The following CUL1 variants were observed in gnomAD, a reference collection of about 807,000 sequenced individuals.
CUL1 encodes the protein cullin-1.
Under a neutral mutation model 118.0 loss-of-function variants are expected in CUL1, and 24 were observed. That is an observed-to-expected ratio of 0.20 (90% confidence interval 0.15 to 0.29). The LOEUF (loss-of-function observed/expected upper bound fraction) is 0.29, where lower values mean the gene tolerates loss of function less well. CUL1 is among the 10% of genes least tolerant of loss of function. The pLI is 1.00. For synonymous variants in CUL1, 332 were observed against 340.4 expected (o/e 0.98, Z 0.27); for missense variants, 361 against 933.8 (o/e 0.39, Z 7.99).
chr7:148,787,679 G>C lies in CUL1; in HGVS notation c.1479+559G>C, dbSNP rs551227892. On this transcript the variant is annotated intron_variant, in intron 13 of 21. Coordinates refer to ENST00000325222, the MANE Select transcript of CUL1 (RefSeq NM_003592.3). The surrounding 1 kb of genome is among the most constrained non-coding windows in gnomAD (Gnocchi z 5.5). ...CCTGGCTGGGCTCAGCTCACCATCT[G>C]TGGGGCCTCTCCTGCCTCCCACACC... 6.6e-6 allele frequency among the ~76,000 whole-genome samples: 1 copy of C among 152,194 alleles called. No homozygotes were observed. Among genetic ancestry groups the C allele is most frequent in the South Asian group, 2.1e-4 (1 of 4,818 alleles).
intron 2 of CUL1, 137 bp downstream of exon 2, chr7:148,730,399 C>T (rs945816643): frequency 3.0e-5 from 33 of 1,099,828 alleles, no homozygotes; most frequent in Non-Finnish European, 4.1e-5. Context: ...CATTTTTAGC[C>T]TTAAGTTTTT....
rs185826541 is a variant in CUL1 at position 148,739,951 on chromosome 7, C to T, written c.140+9689C>T. Reference sequence around the variant, plus strand: ...TCCCCTGTGTGGATATCCAATTATTCCAGTGTCATTTGTTGAAAAAAACTT... The same window carrying T: ...TCCCCTGTGTGGATATCCAATTATTTCAGTGTCATTTGTTGAAAAAAACTT... On this transcript the variant is annotated intron_variant, in intron 2 of 21. Transcript: ENST00000325222. 1.9e-3 allele frequency among the ~76,000 whole-genome samples: 293 copies of T among 152,192 alleles called. 2 individuals are homozygous for T. Among genetic ancestry groups the T allele is most frequent in the African/African-American group, 6.7e-3 (280 of 41,522 alleles).
chr7:148,716,393 C>A (rs1798216044), intron 1 of CUL1, among the ~76,000 whole-genome samples: 1 of 152,156 alleles, frequency 6.6e-6, no homozygotes, highest in South Asian at 2.1e-4. Context: ...AGACACTTTG[C>A]TAAAAGTACT....
chr7:148,760,515 C>T lies in CUL1; in HGVS notation c.789+19C>T. On this transcript the variant is annotated intron_variant, in intron 7 of 21. Coordinates refer to ENST00000325222, the MANE Select transcript of CUL1 (RefSeq NM_003592.3). ...GAAAAAGGTAAGCTTAAATATAGTA[C>T]TTTAAGTAGACTTAAGTTAAAGTCA... 2 of 1,567,610 alleles carry T rather than the reference C, an allele frequency of 1.3e-6. No homozygotes were observed. Among genetic ancestry groups the T allele is most frequent in the Non-Finnish European group, 1.7e-6 (2 of 1,152,738 alleles).
intron 11 of CUL1, among the ~76,000 whole-genome samples, chr7:148,784,540 A>G (rs947741877): frequency 6.6e-6 from 1 of 152,220 alleles, no homozygotes; most frequent in African/African-American, 2.4e-5. Context: ...GCAATATAAT[A>G]TATAGCTTTC....
At chr7:148,781,216 G>T (rs1190308689) in intron 9 of CUL1, among the ~76,000 whole-genome samples, 1 of 151,002 alleles carries the variant, frequency 6.6e-6, no homozygotes, top group African/African-American at 2.4e-5. Flanking sequence ...GAGTAGCTGG[G>T]ATTATAGGCG....
At chr7:148,726,092 G>A (rs1798573432) in intron 1 of CUL1, among the ~76,000 whole-genome samples, 1 of 152,212 alleles carries the variant, frequency 6.6e-6, no homozygotes, top group Admixed American at 6.5e-5. Context: ...AAGTAAACTT[G>A]ACGAGTGTGA....
chr7:148,763,235 A>T (rs556152449), intron 7 of CUL1, among the ~76,000 whole-genome samples: 1 of 152,196 alleles, frequency 6.6e-6, no homozygotes, highest in South Asian at 2.1e-4. Flanking sequence ...GATGTTTTCA[A>T]TCCAGCATGA....
At chr7:148,733,299 T>C (rs922109699) in intron 2 of CUL1, among the ~76,000 whole-genome samples, 1 of 152,270 alleles carries the variant, frequency 6.6e-6, no homozygotes, top group Non-Finnish European at 1.5e-5. Context: ...TGTATACTTA[T>C]GTTTATTAAT....
At position 148,789,772 on chromosome 7, in the gene CUL1, G is replaced by A; in HGVS notation, c.1620G>A (p.Leu540=). Residue 540 remains leucine, a synonymous_variant, in exon 15 of 22, where the codon CTG becomes CTA. Coordinates refer to ENST00000325222, the MANE Select transcript of CUL1 (RefSeq NM_003592.3). The stretch of plus-strand genomic sequence containing the variant: ...CAGTGGATTTCAGCATTCAAGTGCT[G>A]AGCTCCGGGTCCTGGCCCTTCCAGC... ...PLDLDFSIQV[L]SSGSWPFQQS... 5.0e-6 allele frequency: 8 copies of A among 1,614,148 alleles called. No individual in the cohort carries two copies. Among genetic ancestry groups the A allele is most frequent in the South Asian group, 1.1e-5 (1 of 91,068 alleles).
At chr7:148,791,955 A>G (rs1403754497) in intron 16 of CUL1, among the ~76,000 whole-genome samples, 3 of 152,178 alleles carry the variant, frequency 2.0e-5, no homozygotes. Flanking sequence ...TTGGGAGGCC[A>G]AGGCAGGCAG....
intron 2 of CUL1, among the ~76,000 whole-genome samples, chr7:148,740,210 G>A (rs1432918903): frequency 6.6e-6 from 1 of 151,922 alleles, no homozygotes; most frequent in African/African-American, 2.4e-5. Context: ...ACGCCACCAC[G>A]CCTAGCTAAT....
intron 1 of CUL1, among the ~76,000 whole-genome samples, chr7:148,728,050 C>T (rs17171095): frequency 0.01 from 1,596 of 152,090 alleles, 26 homozygotes; most frequent in African/African-American, 0.036. Flanking sequence ...CTAAAATAGT[C>T]GCCCAGGTAA....
chr7:148,792,549 A>G (rs939430196), intron 16 of CUL1, among the ~76,000 whole-genome samples, 177 bp from the exon 17 acceptor site: 3 of 152,230 alleles, frequency 2.0e-5, no homozygotes, highest in East Asian at 1.9e-4. Context: ...AAAATGTTGC[A>G]TTGTAGTGGC....
chr7:148,704,158 C>A (rs59416714), intron 1 of CUL1, among the ~76,000 whole-genome samples: 5 of 129,150 alleles, frequency 3.9e-5, no homozygotes, highest in African/African-American at 1.2e-4. Context: ...CAAAAGCGGC[C>A]CCCCCCCACC....
intron 19 of CUL1, 67 bp from the exon 20 acceptor site, chr7:148,798,505 T>C (rs1397541708): frequency 8.3e-7 from 1 of 1,206,336 alleles, no homozygotes; most frequent in Non-Finnish European, 1.2e-6. Context: ...GGTTGAAAAA[T>C]AGAAAGCAGC....
Position 148,760,331 on chromosome 7 carries a change from A to G in CUL1, c.626-2A>G. On this transcript the variant is annotated splice_acceptor_variant, in intron 6 of 21. Coordinates refer to ENST00000325222, the MANE Select transcript of CUL1 (RefSeq NM_003592.3). LOFTEE classifies it high-confidence loss of function. ...TGAAATATAGCTCATATTCATTTCTAGTGGAATTGGGGCTGAATGAAGATG... is the reference window on the plus strand; with the variant it reads ...TGAAATATAGCTCATATTCATTTCTGGTGGAATTGGGGCTGAATGAAGATG... The G allele has an allele frequency of 6.3e-7, 1 of 1,596,622 alleles. No individual in the cohort carries two copies. The highest frequency in any genetic ancestry group is 8.5e-7 in the Non-Finnish European group (1 of 1,173,788).
chr7:148,729,936 A>G (rs1235632565), intron 1 of CUL1, 26 bp from the exon 2 acceptor site: 2 of 662,282 alleles, frequency 3.0e-6, no homozygotes, highest in Non-Finnish European at 5.0e-6. Context: ...GAGACAATCC[A>G]CTGATTCTCT....
intron 2 of CUL1, among the ~76,000 whole-genome samples, chr7:148,739,115 T>A (rs891904061): frequency 6.6e-6 from 1 of 152,208 alleles, no homozygotes; most frequent in Non-Finnish European, 1.5e-5. Context: ...CAGTCCTTCC[T>A]TGAACATGGG....
Sources: gnomAD v4.1 joint callset for allele counts (sites outside exome capture counted in the v4.1 genomes callset) on GRCh38, gnomAD v4.1.1 for gene constraint, Gnocchi (gnomAD v3.1) non-coding constraint, MANE v1.5 for transcripts, NCBI Gene and HGNC (gene_info 2026-07-23, HGNC 2026-07-21) for gene names.